The following SGCZ variants were observed in gnomAD, a reference collection of about 807,000 sequenced individuals.
The protein encoded by SGCZ is zeta-sarcoglycan.
In SGCZ, 40 loss-of-function variants were observed where a neutral mutation model predicts 41.3. The ratio of observed to expected loss-of-function variants is 0.97; its 90% confidence interval spans 0.75 to 1.26. The LOEUF is 1.26. Ranked by LOEUF, SGCZ falls within the 50% of genes most tolerant of loss-of-function variation. SGCZ has a pLI of 0.00. For synonymous variants in SGCZ, 206 were observed against 137.5 expected, an observed-to-expected ratio of 1.50 and a Z score of -3.49; for missense variants, 552 against 369.8, an observed-to-expected ratio of 1.49 and a Z score of -4.04.
chr8:14,250,132 G>C (rs907517939), intron 3 of SGCZ, among the ~76,000 whole-genome samples: 3 of 152,188 alleles, frequency 2.0e-5, no homozygotes, highest in Non-Finnish European at 1.5e-5. Context: ...ATTACTCTTT[G>C]AGTAGAATGA....
intron 4 of SGCZ, among the ~76,000 whole-genome samples, chr8:14,209,791 T>C (rs1011041306): frequency 1.3e-5 from 2 of 152,124 alleles, no homozygotes; most frequent in Non-Finnish European, 2.9e-5. Context: ...GTTACGTTGG[T>C]ATTTAAATAT....
At chr8:15,025,959 A>G (rs1222747107) in intron 1 of SGCZ, among the ~76,000 whole-genome samples, 1 of 152,160 alleles carries the variant, frequency 6.6e-6, no homozygotes, top group East Asian at 1.9e-4. Flanking sequence ...CCACACAAAA[A>G]TATTACATAT....
intron 2 of SGCZ, among the ~76,000 whole-genome samples, chr8:14,423,438 T>C (rs1355063579): frequency 6.6e-6 from 1 of 152,146 alleles, no homozygotes; most frequent in Non-Finnish European, 1.5e-5. Context: ...TTTTTTAAGA[T>C]GGAGTTTCGC....
chr8:15,225,672 C>T (rs536462301), intron 1 of SGCZ, among the ~76,000 whole-genome samples: 5 of 152,188 alleles, frequency 3.3e-5, no homozygotes, highest in African/African-American at 9.6e-5. Flanking sequence ...GTGAAGGACA[C>T]ATTATTTTAT....
chr8:14,512,967 A>G (rs144577153), intron 2 of SGCZ, among the ~76,000 whole-genome samples: 30 of 152,032 alleles, frequency 2.0e-4, no homozygotes, highest in African/African-American at 6.8e-4. Flanking sequence ...TATTGTTAGT[A>G]AAGATCCACA....
chr8:14,281,169 C>T (rs1800420529), intron 3 of SGCZ, among the ~76,000 whole-genome samples: 1 of 151,868 alleles, frequency 6.6e-6, no homozygotes, highest in South Asian at 2.1e-4. Context: ...TCAAGATACT[C>T]ATTTAAAGTA....
chr8:15,190,611 C>T (rs507053), intron 1 of SGCZ, among the ~76,000 whole-genome samples: 136,192 of 151,866 alleles, frequency 0.9, 61,048 homozygotes, highest in East Asian at 0.91. Context: ...AGGTTGATAT[C>T]ATTCAGATGT....
intron 3 of SGCZ, among the ~76,000 whole-genome samples, chr8:14,243,372 G>A (rs1378198283): frequency 6.6e-6 from 1 of 152,078 alleles, no homozygotes; most frequent in African/African-American, 2.4e-5. Context: ...ATCTTTTCCT[G>A]TTTTTCCATG....
chr8:14,952,857 G>C (rs1333972989), intron 1 of SGCZ, among the ~76,000 whole-genome samples: 1 of 152,158 alleles, frequency 6.6e-6, no homozygotes, highest in African/African-American at 2.4e-5. Flanking sequence ...GATACAAAGT[G>C]TTCAGCACAC....
At chr8:15,137,151 C>A (rs953014527) in intron 1 of SGCZ, among the ~76,000 whole-genome samples, 1 of 152,106 alleles carries the variant, frequency 6.6e-6, no homozygotes, top group African/African-American at 2.4e-5. Context: ...GGAAGTAGAG[C>A]AAAGGTGACT....
chr8:15,185,962 C>A (rs1218045622), intron 1 of SGCZ, among the ~76,000 whole-genome samples: 9 of 150,642 alleles, frequency 6.0e-5, no homozygotes, highest in Non-Finnish European at 1.3e-4. Context: ...CGGTGGCTCA[C>A]GTCTGTAATC....
chr8:14,431,291 A>T (rs899944037), intron 2 of SGCZ, among the ~76,000 whole-genome samples: 2 of 152,226 alleles, frequency 1.3e-5, no homozygotes, highest in African/African-American at 4.8e-5. Context: ...TTCAAATGAT[A>T]CTATAAGATC....
At chr8:14,977,491 A>C (rs1438088771) in intron 1 of SGCZ, among the ~76,000 whole-genome samples, 1 of 152,172 alleles carries the variant, frequency 6.6e-6, no homozygotes, top group Non-Finnish European at 1.5e-5. Context: ...TTTCATCCAC[A>C]TCATCTAATA....
intron 2 of SGCZ, among the ~76,000 whole-genome samples, chr8:14,394,821 T>G (rs1798860065): frequency 6.6e-6 from 1 of 152,196 alleles, no homozygotes; most frequent in African/African-American, 2.4e-5. Flanking sequence ...ATATTGTGTC[T>G]AAGTTGCCTG....
chr8:14,452,138 T>A (rs1025497347), intron 2 of SGCZ, among the ~76,000 whole-genome samples: 2 of 152,202 alleles, frequency 1.3e-5, no homozygotes, highest in African/African-American at 4.8e-5. Context: ...GGAATGTTAT[T>A]CAACACTAAA....
intron 1 of SGCZ, among the ~76,000 whole-genome samples, chr8:15,069,192 T>C (rs1805262882): frequency 6.6e-6 from 1 of 152,014 alleles, no homozygotes. Context: ...GGTTTTGTTG[T>C]TTCTTGTTTG....
chr8:15,111,243 G>A (rs369539653), intron 1 of SGCZ, among the ~76,000 whole-genome samples: 30 of 152,222 alleles, frequency 2.0e-4, no homozygotes, highest in African/African-American at 6.7e-4. Context: ...TCCTAGGGCT[G>A]GCTCAATAGA....
At chr8:14,851,858 G>A (rs865838218) in intron 1 of SGCZ, among the ~76,000 whole-genome samples, 3 of 151,802 alleles carry the variant, frequency 2.0e-5, no homozygotes, top group Admixed American at 6.6e-5. Context: ...CTTTTCCTCC[G>A]AGAACAAAAC....
intron 2 of SGCZ, among the ~76,000 whole-genome samples, chr8:14,514,100 T>C (rs1218008002): frequency 6.6e-6 from 1 of 152,056 alleles, no homozygotes; most frequent in South Asian, 2.1e-4. Flanking sequence ...TTTGAGAAGA[T>C]TTTCTTTTCT....
Sources: allele counts gnomAD v4.1 joint callset (sites outside exome capture counted in the v4.1 genomes callset), GRCh38; gene constraint gnomAD v4.1.1; transcripts MANE v1.5; gene names NCBI Gene and HGNC (gene_info 2026-07-23, HGNC 2026-07-21).